HACD2: variants seen among roughly 807,000 people sequenced by gnomAD.
The protein encoded by HACD2 is 3-hydroxyacyl-CoA dehydratase 2.
In HACD2, 15 loss-of-function variants were observed where a neutral mutation model predicts 31.0. That is an observed-to-expected ratio of 0.48 (90% confidence interval 0.32 to 0.75). HACD2 has a LOEUF of 0.75. Among genes scored for constraint, HACD2 ranks in the 30% least tolerant of loss-of-function variants. HACD2 has a pLI of 0.03. For synonymous variants in HACD2, 115 were observed against 122.2 expected (o/e 0.94, Z 0.39); for missense variants, 283 against 313.0 (o/e 0.90, Z 0.72).
intron 4 of HACD2, among the ~76,000 whole-genome samples, chr3:123,509,022 G>C (rs2056015596): frequency 6.6e-6 from 1 of 152,046 alleles, no homozygotes; most frequent in Non-Finnish European, 1.5e-5. Flanking sequence ...AGGTCCCATT[G>C]CCAAATACCA....
At chr3:123,541,333 A>G (rs1405555168) in intron 3 of HACD2, among the ~76,000 whole-genome samples, 2 of 152,178 alleles carry the variant, frequency 1.3e-5, no homozygotes, top group African/African-American at 4.8e-5. Flanking sequence ...CTAATAAACA[A>G]CAAGGTTGAG....
chr3:123,582,571 A>AT (rs780640671), intron 1 of HACD2, among the ~76,000 whole-genome samples: 61 of 152,214 alleles, frequency 4.0e-4, no homozygotes, highest in African/African-American at 1.4e-3. Context: ...TCTGGAGCTC[A>AT]TTTTTTTGGC....
rs146454857 is a variant in HACD2 at position 123,509,428 on chromosome 3, G to A, written c.382-6747C>T. Among the ~76,000 whole-genome samples, 797 of 151,396 alleles carry A rather than the reference G, an allele frequency of 5.3e-3. 9 individuals carry two copies. Among genetic ancestry groups the A allele is most frequent in the African/African-American group, 0.019 (772 of 41,322 alleles). On this transcript the variant is annotated intron_variant, in intron 4 of 6. Coordinates refer to ENST00000383657, the MANE Select transcript of HACD2 (RefSeq NM_198402.5). ...AAGTAAAAACTATTATAAATTGCAG[G>A]CTAGATTTGGCCTATAGGCCAACCT...
chr3:123,504,453 T>G lies in HACD2; in HGVS notation c.382-1772A>C, dbSNP rs115366072. On this transcript the variant is annotated intron_variant, in intron 4 of 6. Coordinates refer to ENST00000383657, the MANE Select transcript of HACD2 (RefSeq NM_198402.5). ...CGGAGCAAATGAATTCAGTCCTAAG[T>G]GGGTTACTCCGAGACTCAGTTCCCT... is the stretch of plus-strand genomic sequence containing the variant. Among the ~76,000 whole-genome samples, 430 of 152,172 alleles carry G rather than the reference T, an allele frequency of 2.8e-3. 3 individuals carry two copies. The highest frequency in any genetic ancestry group is 9.8e-3 in the African/African-American group (408 of 41,526).
At chr3:123,584,524 G>A (rs995539881) in intron 1 of HACD2, 3 of 208,584 alleles carry the variant, frequency 1.4e-5, no homozygotes, top group Non-Finnish European at 2.8e-5. Flanking sequence ...GGCCGCCCAG[G>A]ACGGGCTCCG....
chr3:123,530,065 A>G (rs926041006), intron 3 of HACD2, among the ~76,000 whole-genome samples: 3 of 152,174 alleles, frequency 2.0e-5, no homozygotes, highest in Admixed American at 2.0e-4. Flanking sequence ...TATTTTGAAA[A>G]TCATATTTTG....
intron 3 of HACD2, among the ~76,000 whole-genome samples, chr3:123,546,740 T>TAA (rs2056564289): frequency 2.6e-5 from 4 of 152,224 alleles, no homozygotes. Flanking sequence ...TATCCTTTTA[T>TAA]AGTTGAGAAA....
intron 3 of HACD2, among the ~76,000 whole-genome samples, chr3:123,531,263 A>G (rs1026339456): frequency 2.0e-5 from 3 of 152,198 alleles, no homozygotes; most frequent in African/African-American, 7.2e-5. Context: ...TCTCTAGGGA[A>G]TATAAATTTG....
At chr3:123,513,571 C>T (rs2056091608) in intron 4 of HACD2, among the ~76,000 whole-genome samples, 1 of 152,138 alleles carries the variant, frequency 6.6e-6, no homozygotes, top group Admixed American at 6.5e-5. Flanking sequence ...AAAATTGACA[C>T]AAGGCCATGA....
intron 3 of HACD2, among the ~76,000 whole-genome samples, chr3:123,538,514 T>C (rs1275085281): frequency 6.6e-6 from 1 of 152,120 alleles, no homozygotes; most frequent in Non-Finnish European, 1.5e-5. Flanking sequence ...TGGTAAGAAG[T>C]GTGGGGCTAG....
chr3:123,504,041 T>C (rs2055941853), intron 4 of HACD2, among the ~76,000 whole-genome samples: 1 of 152,222 alleles, frequency 6.6e-6, no homozygotes, highest in Admixed American at 6.5e-5. Flanking sequence ...AAGAATTTTA[T>C]ACTGTCAAGA....
chr3:123,508,916 T>A (rs910094913), intron 4 of HACD2, among the ~76,000 whole-genome samples: 1 of 152,196 alleles, frequency 6.6e-6, no homozygotes, highest in Non-Finnish European at 1.5e-5. Context: ...ACCTTCTAGA[T>A]GTGCCCTCCT....
At chr3:123,577,514 G>A (rs549697907) in intron 2 of HACD2, among the ~76,000 whole-genome samples, 2 of 151,856 alleles carry the variant, frequency 1.3e-5, no homozygotes, top group South Asian at 2.1e-4. Context: ...CCAGCTACTC[G>A]GGAAGCTGAG....
At chr3:123,542,146 C>CAAAAAAAAAAAAAAAA (rs11391480) in intron 3 of HACD2, among the ~76,000 whole-genome samples, 4 of 41,102 alleles carry the variant, frequency 9.7e-5, no homozygotes, top group African/African-American at 5.2e-4. Context: ...GACTCCGTCT[C>CAAAAAAAAAAAAAAAA]AAAAAAAAAA....
chr3:123,574,652 T>C (rs946512064), intron 2 of HACD2, among the ~76,000 whole-genome samples: 4 of 151,926 alleles, frequency 2.6e-5, no homozygotes, highest in Non-Finnish European at 5.9e-5. Context: ...CAATTACATA[T>C]AATATAGAAT....
chr3:123,578,049 G>GC, intron 2 of HACD2, among the ~76,000 whole-genome samples: 1 of 152,158 alleles, frequency 6.6e-6, no homozygotes, highest in South Asian at 2.1e-4. Context: ...TCTCCCCACA[G>GC]CCCCTAACAA....
chr3:123,579,003 C>T (rs998953530), intron 2 of HACD2, among the ~76,000 whole-genome samples: 8 of 152,176 alleles, frequency 5.3e-5, no homozygotes, highest in African/African-American at 1.7e-4. Context: ...ACCTTTGCAA[C>T]GTTAATTGCC....
chr3:123,531,392 T>C (rs1324443873), intron 3 of HACD2, among the ~76,000 whole-genome samples: 1 of 152,130 alleles, frequency 6.6e-6, no homozygotes, highest in Admixed American at 6.6e-5. Context: ...CAATCTTGGC[T>C]CACTGCAACC....
intron 3 of HACD2, among the ~76,000 whole-genome samples, chr3:123,529,258 C>T (rs147265697): frequency 4.5e-4 from 68 of 152,186 alleles, no homozygotes; most frequent in African/African-American, 1.4e-3. Flanking sequence ...GTGCCACCAT[C>T]GCTGGCTAAG....
Sources: allele counts gnomAD v4.1 joint callset (sites outside exome capture counted in the v4.1 genomes callset), GRCh38; gene constraint gnomAD v4.1.1; transcripts MANE v1.5; gene names NCBI Gene and HGNC (gene_info 2026-07-23, HGNC 2026-07-21).